MTAP: variants seen among roughly 807,000 people sequenced by gnomAD.
The protein encoded by MTAP is methylthioadenosine phosphorylase.
MTAP carries 33 observed loss-of-function variants against 33.6 expected under a neutral mutation model. The ratio of observed to expected loss-of-function variants is 0.98; its 90% CI spans 0.74 to 1.31. The LOEUF is 1.31. Among genes scored for constraint, MTAP ranks in the 40% most tolerant of loss-of-function variants. MTAP has a pLI of 0.00. For missense variants in MTAP, 367 were observed against 360.0 expected (o/e 1.02, Z -0.16); for synonymous variants, 148 against 125.7 (o/e 1.18, Z -1.19).
intron 1 of MTAP, among the ~76,000 whole-genome samples, chr9:21,875,282 C>T (rs1033024992): frequency 1.3e-5 from 2 of 151,950 alleles, no homozygotes; most frequent in African/African-American, 4.8e-5. Context: ...TTTTAATGAT[C>T]GCCATTCTAA....
chr9:21,901,791 C>T (rs554773577), intron 1 of MTAP, among the ~76,000 whole-genome samples: 2 of 152,162 alleles, frequency 1.3e-5, no homozygotes, highest in East Asian at 1.9e-4. Flanking sequence ...CTATTTACAG[C>T]CAATGCCATC....
At chr9:21,850,927 C>A (rs1439278014) in intron 5 of MTAP, among the ~76,000 whole-genome samples, 1 of 152,192 alleles carries the variant, frequency 6.6e-6, no homozygotes, top group African/African-American at 2.4e-5. Flanking sequence ...ACTTTGGGCT[C>A]CTCCTGCCTT....
In MTAP at chr9:21,806,419, T is replaced by G. The variant is rs766967113; in HGVS notation, c.33+3638T>G. Among the ~76,000 whole-genome samples the G allele has an allele frequency of 4.6e-5, 7 of 151,996 alleles. No homozygotes were observed. The South Asian group carries it at 1.0e-3, about 23-fold the overall frequency. ...CGATAAGGGGCCACGAGTGACTCCT[T>G]GGAGCCAAGGAGGGTGAGTGTAGGA... is the stretch of plus-strand genomic sequence containing the variant. On this transcript the variant is annotated intron_variant, in intron 1 of 7. Transcript: ENST00000644715.
At chr9:21,850,817 C>T (rs1825491886) in intron 5 of MTAP, among the ~76,000 whole-genome samples, 1 of 152,126 alleles carries the variant, frequency 6.6e-6, no homozygotes, top group Admixed American at 6.6e-5. Context: ...CAGCAGCATT[C>T]AGTTATCAAA....
At chr9:21,805,381 A>T (rs1256273875) in intron 1 of MTAP, among the ~76,000 whole-genome samples, 1 of 152,210 alleles carries the variant, frequency 6.6e-6, no homozygotes, top group Non-Finnish European at 1.5e-5. Context: ...GACAATGGGG[A>T]TGCAGCTTTG....
downstream of MTAP, chr9:21,932,149 TA>T (rs1293407457): frequency 6.6e-6 from 1 of 152,238 alleles, no homozygotes; most frequent in Non-Finnish European, 1.5e-5. Context: ...GCAAAAATTA[TA>T]ACAGTGAGAA....
At chr9:21,932,023 C>T (rs887052042), downstream of MTAP, 2 of 144,002 alleles carry the variant, frequency 1.4e-5, no homozygotes, top group Non-Finnish European at 2.9e-5. Flanking sequence ...GAATGAGACT[C>T]TATTTTTTTT....
intron 1 of MTAP, among the ~76,000 whole-genome samples, chr9:21,916,819 A>G (rs1442067959): frequency 6.6e-6 from 1 of 152,114 alleles, no homozygotes; most frequent in Non-Finnish European, 1.5e-5. Context: ...TTGGACTTCT[A>G]TCCTCCAGAA....
intron 1 of MTAP, among the ~76,000 whole-genome samples, chr9:21,915,142 G>C (rs578035455): frequency 2.0e-5 from 3 of 150,164 alleles, no homozygotes; most frequent in African/African-American, 7.4e-5. Context: ...GAGTGCAGTG[G>C]TGGGATCTTG....
At chr9:21,814,776 A>G (rs1356595337) in intron 1 of MTAP, among the ~76,000 whole-genome samples, 1 of 152,228 alleles carries the variant, frequency 6.6e-6, no homozygotes, top group Non-Finnish European at 1.5e-5. Flanking sequence ...ATACATGAGT[A>G]TGCTATATGT....
At chr9:21,824,378 G>T (rs990591204) in intron 4 of MTAP, among the ~76,000 whole-genome samples, 1 of 152,204 alleles carries the variant, frequency 6.6e-6, no homozygotes, top group Non-Finnish European at 1.5e-5. Flanking sequence ...TCCAGACCCT[G>T]TTTGCCTGGA....
chr9:21,861,798 T>G (rs930401705), intron 7 of MTAP, 178 bp from the exon 8 acceptor site: 2 of 613,194 alleles, frequency 3.3e-6, no homozygotes, highest in South Asian at 2.1e-5. Flanking sequence ...GAGTTTAGAG[T>G]ACCCGAAGTT....
intron 4 of MTAP, among the ~76,000 whole-genome samples, chr9:21,833,899 T>C (rs904899222): frequency 1.3e-5 from 2 of 152,196 alleles, no homozygotes; most frequent in Non-Finnish European, 2.9e-5. Context: ...TAGGCTTTTC[T>C]CCCTCTCTTT....
chr9:21,820,659 A>G (rs920208111), intron 4 of MTAP, among the ~76,000 whole-genome samples: 1 of 152,172 alleles, frequency 6.6e-6, no homozygotes, highest in African/African-American at 2.4e-5. Context: ...GTTTTTCCCA[A>G]TTCTGTGAAG....
intron 5 of MTAP, among the ~76,000 whole-genome samples, chr9:21,847,271 C>T (rs1047196476): frequency 1.3e-5 from 2 of 152,092 alleles, no homozygotes; most frequent in African/African-American, 4.8e-5. Context: ...TAATAAACTC[C>T]CATTTATCTA....
Position 21,862,573 on chromosome 9 carries a change from A to G in MTAP, c.*559A>G, listed in dbSNP as rs966120134. On this transcript the variant is annotated 3_prime_UTR_variant, in exon 8 of 8. Coordinates refer to ENST00000644715, the MANE Select transcript of MTAP (RefSeq NM_002451.4). ...AAGGGTGTTTAATAATGATAGTTAT[A>G]ATAATAAATAATTGAAACAATCTGA... 1 of 152,234 alleles carries G rather than the reference A, an allele frequency of 6.6e-6. No individual in the cohort carries two copies. The highest frequency in any genetic ancestry group is 2.4e-5 in the African/African-American group (1 of 41,442). 9.4% of individuals were successfully genotyped at this position (152,234 alleles called of 1,614,324 possible).
intron 2 of MTAP, 28 bp from the exon 3 acceptor site, chr9:21,816,686 T>G (rs776687786): frequency 8.7e-6 from 14 of 1,600,398 alleles, no homozygotes; most frequent in South Asian, 4.5e-5. Context: ...AATCACTGAG[T>G]TAAATGTCAT....
chr9:21,891,056 G>T (rs1016349504), intron 1 of MTAP, among the ~76,000 whole-genome samples: 4 of 152,064 alleles, frequency 2.6e-5, no homozygotes, highest in Non-Finnish European at 5.9e-5. Flanking sequence ...GAGAACAACT[G>T]TTCTAGCATA....
intron 4 of MTAP, among the ~76,000 whole-genome samples, chr9:21,825,978 T>C (rs1824787634): frequency 2.0e-5 from 3 of 152,248 alleles, no homozygotes; most frequent in African/African-American, 7.2e-5. Context: ...GCCTATTTTT[T>C]TAATCAGGTT....
Sources: allele counts gnomAD v4.1 joint callset (sites outside exome capture counted in the v4.1 genomes callset), GRCh38; gene constraint gnomAD v4.1.1; transcripts MANE v1.5; gene names NCBI Gene and HGNC (gene_info 2026-07-23, HGNC 2026-07-21).